The following SYNPR variants were observed in gnomAD, a reference collection of about 807,000 sequenced individuals.
SYNPR encodes the protein synaptoporin.
A neutral mutation model predicts 32.9 loss-of-function variants in SYNPR; 23 were observed. The ratio of observed to expected loss-of-function variants is 0.70; its 90% CI spans 0.50 to 0.99. The LOEUF (loss-of-function observed/expected upper bound fraction) is 0.99, where lower values mean the gene tolerates loss of function less well. Among genes scored for constraint, SYNPR ranks in the 50% least tolerant of loss-of-function variants. The pLI is 0.00. For synonymous variants in SYNPR, 146 were observed against 135.9 expected (o/e 1.07, Z -0.52); for missense variants, 318 against 349.3 (o/e 0.91, Z 0.71).
the SYNPR span, among the ~76,000 whole-genome samples, chr3:63,222,175 C>T: frequency 2.0e-5 from 3 of 151,652 alleles, no homozygotes; most frequent in Non-Finnish European, 4.4e-5. Context: ...AACTGTAAGC[C>T]TAACCTTGGA....
At chr3:63,400,942 C>T (rs1371993730) in intron 2 of SYNPR, among the ~76,000 whole-genome samples, 1 of 152,108 alleles carries the variant, frequency 6.6e-6, no homozygotes, top group Non-Finnish European at 1.5e-5. Flanking sequence ...GATGGAAAAT[C>T]CTCTGAGGGT....
At chr3:63,538,918 T>C (rs1456035588) in intron 3 of SYNPR, among the ~76,000 whole-genome samples, 4 of 152,180 alleles carry the variant, frequency 2.6e-5, no homozygotes, top group African/African-American at 9.7e-5. Flanking sequence ...TTAAATATGA[T>C]TTTATTGTTT....
intron 2 of SYNPR, among the ~76,000 whole-genome samples, chr3:63,472,833 T>G (rs1056955018): frequency 6.6e-6 from 1 of 152,126 alleles, no homozygotes; most frequent in Non-Finnish European, 1.5e-5. Context: ...GTCTTCACAT[T>G]GACAAACTAT....
At chr3:63,597,891 C>G (rs1354159466) in intron 4 of SYNPR, among the ~76,000 whole-genome samples, 1 of 152,206 alleles carries the variant, frequency 6.6e-6, no homozygotes, top group Non-Finnish European at 1.5e-5. Context: ...TAGCTCCCTT[C>G]CAAGACAAGT....
At chr3:63,610,412 C>A (rs557879609) in intron 5 of SYNPR, 8 of 644,182 alleles carry the variant, frequency 1.2e-5, no homozygotes, top group Non-Finnish European at 2.3e-5. Flanking sequence ...GCTGAAAGAA[C>A]ATTCTTTAGC....
chr3:63,389,739 T>G (rs2107082310), intron 2 of SYNPR, among the ~76,000 whole-genome samples: 1 of 152,360 alleles, frequency 6.6e-6, no homozygotes, highest in South Asian at 2.1e-4. Context: ...ACACCTGGCA[T>G]GTACTATCTT....
intron 3 of SYNPR, among the ~76,000 whole-genome samples, chr3:63,551,018 G>C (rs560044818): frequency 6.6e-6 from 1 of 152,188 alleles, no homozygotes; most frequent in East Asian, 1.9e-4. Context: ...TGTTTTCTAA[G>C]CTTTATCGGG....
intron 2 of SYNPR, among the ~76,000 whole-genome samples, chr3:63,472,436 T>A (rs1467809463): frequency 6.6e-6 from 1 of 152,204 alleles, no homozygotes; most frequent in Non-Finnish European, 1.5e-5. Flanking sequence ...ATGGACTTAC[T>A]GAGGAGACTG....
At chr3:63,239,789 C>T (rs2086227560) in intron 1 of SYNPR, among the ~76,000 whole-genome samples, 1 of 151,538 alleles carries the variant, frequency 6.6e-6, no homozygotes, top group Admixed American at 6.6e-5. Flanking sequence ...AAGTATGTCA[C>T]ACACCCATCC....
At chr3:63,613,847 A>G (rs11710709) in intron 5 of SYNPR, among the ~76,000 whole-genome samples, 32,527 of 152,044 alleles carry the variant, frequency 0.21, 3,567 homozygotes, top group South Asian at 0.33. Flanking sequence ...TCTACAGACT[A>G]AATGCCTTGT....
intron 2 of SYNPR, among the ~76,000 whole-genome samples, chr3:63,413,064 A>G (rs2088488979): frequency 6.6e-6 from 1 of 152,202 alleles, no homozygotes; most frequent in African/African-American, 2.4e-5. Flanking sequence ...ATTGAAAAAT[A>G]CACAAATCAG....
intron 2 of SYNPR, among the ~76,000 whole-genome samples, chr3:63,361,700 G>A (rs751484162): frequency 5.9e-5 from 9 of 151,746 alleles, no homozygotes; most frequent in Admixed American, 1.3e-4. Flanking sequence ...GATATGGGCC[G>A]CATAGTACAT....
intron 2 of SYNPR, among the ~76,000 whole-genome samples, chr3:63,314,379 A>C (rs2087017857): frequency 6.6e-6 from 1 of 151,406 alleles, no homozygotes; most frequent in African/African-American, 2.4e-5. Context: ...GCCAACATCT[A>C]CTGTTTTTTG....
chr3:63,589,367 T>G (rs943090662), intron 4 of SYNPR, among the ~76,000 whole-genome samples: 14 of 152,110 alleles, frequency 9.2e-5, no homozygotes, highest in Non-Finnish European at 1.3e-4. Context: ...AGCTCTCTCT[T>G]CTACCAGAAT....
At chr3:63,289,084 C>G (rs1214911844) in intron 2 of SYNPR, among the ~76,000 whole-genome samples, 6 of 152,116 alleles carry the variant, frequency 3.9e-5, no homozygotes, top group African/African-American at 1.4e-4. Context: ...AGTAAAACCT[C>G]CAGCAGTGTC....
intron 3 of SYNPR, among the ~76,000 whole-genome samples, chr3:63,494,925 T>C (rs934668138): frequency 5.3e-5 from 8 of 152,126 alleles, no homozygotes; most frequent in Non-Finnish European, 7.3e-5. Context: ...CTATTCCTCA[T>C]ACCAGCCAAA....
chr3:63,472,178 C>T (rs943910664), intron 2 of SYNPR, among the ~76,000 whole-genome samples: 2 of 152,114 alleles, frequency 1.3e-5, no homozygotes, highest in African/African-American at 4.8e-5. Context: ...GTTAGAAAGC[C>T]CATCTTCAAT....
At chr3:63,603,922 A>C (rs536665702) in intron 4 of SYNPR, among the ~76,000 whole-genome samples, 7 of 152,270 alleles carry the variant, frequency 4.6e-5, no homozygotes, top group Non-Finnish European at 7.4e-5. Flanking sequence ...TTTTGGTAGG[A>C]ATGGTCCCAA....
chr3:63,365,079 G>C (rs1208463865), intron 2 of SYNPR, among the ~76,000 whole-genome samples: 1 of 152,184 alleles, frequency 6.6e-6, no homozygotes, highest in Non-Finnish European at 1.5e-5. Flanking sequence ...AGTAATTACA[G>C]AAACTATTTA....
Sources: gnomAD v4.1 joint callset for allele counts (sites outside exome capture counted in the v4.1 genomes callset) on GRCh38, gnomAD v4.1.1 for gene constraint, MANE v1.5 for transcripts, NCBI Gene and HGNC (gene_info 2026-07-23, HGNC 2026-07-21) for gene names.